ATP2B2: variants seen among roughly 807,000 people sequenced by gnomAD.
ATP2B2 encodes the protein plasma membrane calcium-transporting ATPase 2.
A neutral mutation model predicts 120.0 loss-of-function variants in ATP2B2; 15 were observed. The ratio of observed to expected loss-of-function variants is 0.12; its 90% confidence interval spans 0.08 to 0.19. The LOEUF is 0.19. ATP2B2 is among the 10% of genes least tolerant of loss of function. The probability of loss-of-function intolerance (pLI) is 1.00; values close to 1 mark genes in which losing one functional copy is unlikely to be tolerated. For missense variants in ATP2B2, 1,045 were observed against 1,719.8 expected (o/e 0.61, Z 6.94); for synonymous variants, 694 against 700.3 (o/e 0.99, Z 0.14).
At chr3:10,589,376 G>A (rs1242171198) in intron 2 of ATP2B2, among the ~76,000 whole-genome samples, 1 of 152,204 alleles carries the variant, frequency 6.6e-6, no homozygotes. Flanking sequence ...CTAAGGTACA[G>A]CCCCAAAGAG....
At chr3:10,391,737 C>G (rs560829963) in intron 5 of ATP2B2, among the ~76,000 whole-genome samples, 86 of 152,338 alleles carry the variant, frequency 5.6e-4, no homozygotes, top group African/African-American at 2.0e-3. Context: ...CCTCCGGTAT[C>G]CCCAAGCCTC....
At chr3:10,426,388 T>G (rs894317446) in intron 2 of ATP2B2, among the ~76,000 whole-genome samples, 5 of 152,318 alleles carry the variant, frequency 3.3e-5, no homozygotes, top group South Asian at 4.1e-4. Context: ...GAGTGGTCAG[T>G]GCTTAACTCC....
intron 1 of ATP2B2, among the ~76,000 whole-genome samples, chr3:10,687,341 C>A (rs2071547784): frequency 6.6e-6 from 1 of 151,958 alleles, no homozygotes; most frequent in Admixed American, 6.6e-5. Context: ...ACGGAGTGCC[C>A]AGGCATTGTT....
rs547318041 is a variant in ATP2B2 at position 10,614,886 on chromosome 3, G to C, written c.-415+5031C>G. ...TTTTCAGTCTCCCAGAAAAGCTGCTGAGAGAAGAGACTTTGCTATAAGAGA... is the reference window on the plus strand; with the variant it reads ...TTTTCAGTCTCCCAGAAAAGCTGCTCAGAGAAGAGACTTTGCTATAAGAGA... On this transcript the variant is annotated intron_variant, in intron 2 of 21. Coordinates refer to the ATP2B2 transcript ENST00000646379. 1.3e-4 allele frequency among the ~76,000 whole-genome samples: 20 copies of C among 152,342 alleles called. No homozygotes were observed. In the South Asian group the frequency reaches 4.1e-3, roughly 32 times the overall value.
intron 2 of ATP2B2, among the ~76,000 whole-genome samples, chr3:10,432,710 T>C (rs2063357034): frequency 6.6e-6 from 1 of 152,232 alleles, no homozygotes; most frequent in Admixed American, 6.5e-5. Flanking sequence ...CTTCACTAGC[T>C]TAGATCATAG....
chr3:10,678,131 G>T (rs1198752678), intron 1 of ATP2B2, among the ~76,000 whole-genome samples: 1 of 152,120 alleles, frequency 6.6e-6, no homozygotes, highest in Non-Finnish European at 1.5e-5. Flanking sequence ...TGCAAACCGT[G>T]GTTCTCACAT....
chr3:10,643,170 G>C (rs1461757385), intron 1 of ATP2B2, among the ~76,000 whole-genome samples: 1 of 152,164 alleles, frequency 6.6e-6, no homozygotes, highest in African/African-American at 2.4e-5. Context: ...GGGATGATGT[G>C]AGCACCAAAA....
Position 10,340,170 on chromosome 3 carries a change from C to A in ATP2B2, c.3237+72G>T, listed in dbSNP as rs2060233908. On this transcript the variant is annotated intron_variant, in intron 21 of 22. Coordinates refer to ENST00000360273, the MANE Select transcript of ATP2B2 (RefSeq NM_001001331.4). The surrounding 1 kb of genome is among the most constrained non-coding windows in gnomAD (Gnocchi z 5.0). ...GTCTGGCAGCCCATTCCTGGGGGTC[C>A]TGGATTCTCCATCCAGTGCTGTCTC... 1 of 1,470,004 alleles carries A rather than the reference C, an allele frequency of 6.8e-7. No individual in the cohort carries two copies. The allele number at this position is 1,470,004 out of a possible 1,614,324, so 91.1% of individuals were successfully genotyped here. A position where few individuals can be genotyped will look rare whatever the true frequency, so the allele number is the denominator to read the frequency against.
rs1446781892 is a variant in ATP2B2 at position 10,683,760 on chromosome 3, G to GTGTATATA, written c.-460+24154_-460+24155insTATATACA. ...TATGTGTATATATATGTGTGTGTGT[G>GTGTATATA]TATATATATATATATATATATATAT... is the stretch of plus-strand genomic sequence containing the variant. On this transcript the variant is annotated intron_variant, in intron 1 of 21. Transcript: ENST00000646379. Among the ~76,000 whole-genome samples the GTGTATATA allele has an allele frequency of 6.8e-3, 363 of 53,722 alleles. 3 individuals carry two copies. The highest frequency in any genetic ancestry group is 9.8e-3 in the Middle Eastern group (1 of 102). The allele number at this position is 53,722 out of a possible 152,430, so 35.2% of individuals were successfully genotyped here. A position where few individuals can be genotyped will look rare whatever the true frequency, so the allele number is the denominator to read the frequency against.
intron 2 of ATP2B2, among the ~76,000 whole-genome samples, chr3:10,534,521 C>T (rs769448013): frequency 1.3e-5 from 2 of 152,236 alleles, no homozygotes; most frequent in African/African-American, 2.4e-5. Context: ...CTGGTAAACA[C>T]TTTACATAAA....
At chr3:10,392,570 G>C (rs2061889981) in intron 5 of ATP2B2, among the ~76,000 whole-genome samples, 1 of 152,262 alleles carries the variant, frequency 6.6e-6, no homozygotes, top group Non-Finnish European at 1.5e-5. Flanking sequence ...GCAGAGGTGG[G>C]AACCTCTTGG....
Position 10,331,514 on chromosome 3 carries a change from G to A in ATP2B2, c.3421-2389C>T, listed in dbSNP as rs189386391. Among the ~76,000 whole-genome samples the A allele has an allele frequency of 1.1e-4, 17 of 152,240 alleles. No homozygotes were observed. In the East Asian group the frequency reaches 1.3e-3, roughly 12 times the overall value. ...ACACACAATGAGATGAGGCCCCTCC[G>A]CCCTCCCCGTGGCATGGAGACAACA... is the stretch of plus-strand genomic sequence containing the variant. On this transcript the variant is annotated intron_variant, in intron 22 of 22. Transcript: ENST00000360273.
At chr3:10,564,151 G>A (rs1313648337) in intron 2 of ATP2B2, among the ~76,000 whole-genome samples, 2 of 152,206 alleles carry the variant, frequency 1.3e-5, no homozygotes, top group Non-Finnish European at 2.9e-5. Context: ...GCTGAGTCTA[G>A]AGGACCTGTC....
chr3:10,530,532 C>A (rs1157554021), intron 3 of ATP2B2, among the ~76,000 whole-genome samples: 2 of 152,218 alleles, frequency 1.3e-5, no homozygotes, highest in Admixed American at 1.3e-4. Context: ...GTTGATGCAA[C>A]CTCTTTGTTC....
At chr3:10,579,041 A>G (rs1176617771) in intron 2 of ATP2B2, among the ~76,000 whole-genome samples, 1 of 152,190 alleles carries the variant, frequency 6.6e-6, no homozygotes, top group Non-Finnish European at 1.5e-5. Context: ...AGATTTGCTC[A>G]TTGTACTGTG....
chr3:10,405,820 T>C (rs777886017), intron 3 of ATP2B2, among the ~76,000 whole-genome samples: 2 of 152,152 alleles, frequency 1.3e-5, no homozygotes, highest in Admixed American at 6.5e-5. Context: ...TCCTCAAAAC[T>C]GGTTGAGCCA....
intron 3 of ATP2B2, among the ~76,000 whole-genome samples, chr3:10,511,511 G>A (rs1038511593): frequency 6.6e-6 from 1 of 152,174 alleles, no homozygotes; most frequent in Non-Finnish European, 1.5e-5. Flanking sequence ...TTTAGGCTCT[G>A]GAAATATTCT....
At chr3:10,387,361 C>T (rs925868990) in intron 6 of ATP2B2, among the ~76,000 whole-genome samples, 3 of 152,226 alleles carry the variant, frequency 2.0e-5, no homozygotes, top group African/African-American at 4.8e-5. Context: ...TGATTAGCCT[C>T]TGAGAGCTGG....
At chr3:10,653,779 G>A (rs564840051) in intron 1 of ATP2B2, among the ~76,000 whole-genome samples, 4 of 152,156 alleles carry the variant, frequency 2.6e-5, no homozygotes, top group South Asian at 2.1e-4. Context: ...TCCAGCCTAC[G>A]TCTTACTATA....
Sources: gnomAD v4.1 joint callset for allele counts (sites outside exome capture counted in the v4.1 genomes callset) on GRCh38, gnomAD v4.1.1 for gene constraint, Gnocchi (gnomAD v3.1) non-coding constraint, MANE v1.5 for transcripts, NCBI Gene and HGNC (gene_info 2026-07-23, HGNC 2026-07-21) for gene names.